ATAD2B: variants seen among roughly 807,000 people sequenced by gnomAD.
The protein encoded by ATAD2B is ATPase family AAA domain-containing protein 2B.
Under a neutral mutation model 167.6 loss-of-function variants are expected in ATAD2B, and 40 were observed. The observed-to-expected ratio is 0.24, with a 90% confidence interval of 0.19 to 0.31. The LOEUF (loss-of-function observed/expected upper bound fraction) is 0.31, where lower values mean the gene tolerates loss of function less well. Among genes scored for constraint, ATAD2B ranks in the 10% least tolerant of loss-of-function variants. The probability of loss-of-function intolerance (pLI) is 1.00; values close to 1 mark genes in which losing one functional copy is unlikely to be tolerated. For synonymous variants in ATAD2B, 579 were observed against 596.5 expected (o/e 0.97, Z 0.43); for missense variants, 1,242 against 1,757.2 (o/e 0.71, Z 5.24).
chr2:23,754,036 T>C (rs1675667469), intron 27 of ATAD2B, 143 bp downstream of exon 27: 2 of 672,656 alleles, frequency 3.0e-6, no homozygotes, highest in Admixed American at 4.0e-5. Context: ...TAACTCTTAA[T>C]GATTTTTGTC....
intron 1 of ATAD2B, among the ~76,000 whole-genome samples, chr2:23,908,492 T>C: frequency 6.6e-6 from 1 of 152,028 alleles, no homozygotes; most frequent in Admixed American, 6.6e-5. Flanking sequence ...AAACAACAGG[T>C]GCTGGAGAGG....
chr2:23,684,398 G>A, the ATAD2B span: 1 of 1,524,454 alleles, frequency 6.6e-7, no homozygotes. The surrounding 1 kb of genome is among the most constrained non-coding windows in gnomAD (Gnocchi z 4.4). Flanking sequence ...CTGTTCTGCA[G>A]AAATGTTGAA....
chr2:23,869,163 G>A (rs1695565534), intron 9 of ATAD2B, among the ~76,000 whole-genome samples: 1 of 152,150 alleles, frequency 6.6e-6, no homozygotes, highest in African/African-American at 2.4e-5. Context: ...GTTTTAGTGA[G>A]CCCAACAGTG....
chr2:23,722,078 A>G, the ATAD2B span, among the ~76,000 whole-genome samples: 1 of 152,204 alleles, frequency 6.6e-6, no homozygotes, highest in African/African-American at 2.4e-5. Flanking sequence ...AACTGATATG[A>G]CATGACCCAT....
At chr2:23,770,027 T>A (rs1411428341) in intron 22 of ATAD2B, among the ~76,000 whole-genome samples, 1 of 151,502 alleles carries the variant, frequency 6.6e-6, no homozygotes, top group Non-Finnish European at 1.5e-5. Context: ...TTAATGAGGT[T>A]GACCGGACAC....
the ATAD2B span, among the ~76,000 whole-genome samples, chr2:23,717,177 T>TA: frequency 6.6e-6 from 1 of 152,156 alleles, no homozygotes; most frequent in Non-Finnish European, 1.5e-5. Context: ...CATTAATACC[T>TA]ACGAGACTGT....
At chr2:23,718,882 A>ACAGCT in the ATAD2B span, among the ~76,000 whole-genome samples, 2,315 of 152,152 alleles carry the variant, frequency 0.015, 24 homozygotes, top group Middle Eastern at 0.034. Context: ...TTTGGCCATC[A>ACAGCT]CAGCTCCTTT....
chr2:23,848,179 T>A (rs574656764), intron 13 of ATAD2B, among the ~76,000 whole-genome samples: 7 of 152,264 alleles, frequency 4.6e-5, no homozygotes, highest in African/African-American at 9.6e-5. Context: ...TTTATTTACA[T>A]TTCTTCAAAA....
intron 8 of ATAD2B, among the ~76,000 whole-genome samples, chr2:23,871,319 C>T (rs1036594324): frequency 3.3e-5 from 5 of 152,076 alleles, no homozygotes; most frequent in African/African-American, 1.2e-4. Context: ...GATCTTACCT[C>T]GGATCTTGTT....
At chr2:23,882,865 C>T (rs1044089084) in intron 6 of ATAD2B, among the ~76,000 whole-genome samples, 31 of 151,420 alleles carry the variant, frequency 2.0e-4, no homozygotes, top group Non-Finnish European at 4.1e-4. Flanking sequence ...AGCATATGAA[C>T]GCCCAAATGC....
intron 24 of ATAD2B, among the ~76,000 whole-genome samples, chr2:23,761,227 A>G (rs1676704978): frequency 6.6e-6 from 1 of 152,248 alleles, no homozygotes; most frequent in South Asian, 2.1e-4. Flanking sequence ...TTTCTCATAT[A>G]CAAATGCCAC....
chr2:23,726,658 A>G, the ATAD2B span, among the ~76,000 whole-genome samples: 1 of 152,214 alleles, frequency 6.6e-6, no homozygotes, highest in East Asian at 1.9e-4. Context: ...ATAAAATGAA[A>G]TATTATTCAA....
chr2:23,863,866 T>C (rs530997324), intron 11 of ATAD2B, among the ~76,000 whole-genome samples: 12 of 152,290 alleles, frequency 7.9e-5, no homozygotes, highest in East Asian at 1.9e-4. Flanking sequence ...AAAGGAATGA[T>C]AGATAGATTC....
intron 18 of ATAD2B, chr2:23,808,842 T>C (rs1027763020): frequency 3.3e-5 from 5 of 152,322 alleles, no homozygotes; most frequent in Middle Eastern, 3.4e-3. Context: ...TGAAATGAGA[T>C]TGGTCTACAG....
In ATAD2B at chr2:23,880,719, T is replaced by C. The variant is rs769462431; in HGVS notation, c.821A>G (p.Glu274Gly). Residue 274 changes from glutamate to glycine, a missense_variant, in exon 7 of 28, where the codon GAG becomes GGG. Around this residue, in one of 9 missense-constraint regions of ATAD2B, gnomAD observed 99 missense variants for 160.4 expected, o/e 0.62. Transcript: ENST00000238789. ...TCTATCATTTTCTTCTCCTTCTGCC[T>C]CTTCAACTTCTATATCTCCATCCTC... is the stretch of plus-strand genomic sequence containing the variant. ...QEEDGDIEVE[E>G]AEGEENDRPY... is the part of the protein sequence containing the mutation. 1.2e-4 allele frequency: 194 copies of C among 1,609,104 alleles called. No homozygotes were observed. Among genetic ancestry groups the C allele is most frequent in the Non-Finnish European group, 1.6e-4 (189 of 1,177,048 alleles).
chr2:23,815,565 C>A (rs1038107511), intron 17 of ATAD2B, among the ~76,000 whole-genome samples: 1 of 151,866 alleles, frequency 6.6e-6, no homozygotes, highest in African/African-American at 2.4e-5. Context: ...GGCTTGAGAA[C>A]AAAATGGTAG....
At chr2:23,809,549 GT>G (rs1458137569) in intron 18 of ATAD2B, among the ~76,000 whole-genome samples, 2 of 152,164 alleles carry the variant, frequency 1.3e-5, no homozygotes, top group Non-Finnish European at 2.9e-5. Flanking sequence ...TACTACTCCA[GT>G]TATTTAACTC....
rs369661047 is a variant in ATAD2B, at chr2:23,833,976, T to C, written c.1671A>G (p.Ala557=). 1.9e-6 allele frequency: 3 copies of C among 1,613,216 alleles called. No homozygotes were observed. Among genetic ancestry groups the C allele is most frequent in the East Asian group, 4.5e-5 (2 of 44,838 alleles). Residue 557 remains alanine, a synonymous_variant, in exon 14 of 28, where the codon GCA becomes GCG. Coordinates refer to ENST00000238789, the MANE Select transcript of ATAD2B (RefSeq NM_017552.4). ...ATNRLDSIDP[A]LRRPGRFDRE... is the part of the protein sequence containing the mutation. ...TGTCAAAACGACCAGGTCTCCTGAG[T>C]GCAGGATCTATAGAGTCAAGTCTGT...
intron 22 of ATAD2B, among the ~76,000 whole-genome samples, chr2:23,776,088 C>T (rs950410284): frequency 6.6e-6 from 1 of 152,170 alleles, no homozygotes; most frequent in African/African-American, 2.4e-5. Flanking sequence ...TGTACTCCAG[C>T]CTGGCAACAG....
Sources: gnomAD v4.1 joint callset for allele counts (sites outside exome capture counted in the v4.1 genomes callset) on GRCh38, gnomAD v4.1.1 for gene constraint, gnomAD v4.1.1 regional missense constraint, Gnocchi (gnomAD v3.1) non-coding constraint, MANE v1.5 for transcripts, NCBI Gene and HGNC (gene_info 2026-07-23, HGNC 2026-07-21) for gene names.